The following PTPRM variants were observed in gnomAD, a reference collection of about 807,000 sequenced individuals.
PTPRM encodes the protein receptor-type tyrosine-protein phosphatase mu.
Under a neutral mutation model 186.7 loss-of-function variants are expected in PTPRM, and 47 were observed. That is an observed-to-expected ratio of 0.25 (90% CI 0.20 to 0.32). The LOEUF (loss-of-function observed/expected upper bound fraction) is 0.32. Among genes scored for constraint, PTPRM ranks in the 10% least tolerant of loss-of-function variants. The pLI, the probability that PTPRM is intolerant of heterozygous loss-of-function variation, is 1.00. For synonymous variants in PTPRM, 668 were observed against 674.9 expected (o/e 0.99, Z 0.16); for missense variants, 1,494 against 1,865.0 (o/e 0.80, Z 3.66).
rs149836038 is a variant in PTPRM at position 8,225,517 on chromosome 18, C to A, written c.2301-18541C>A. Among the ~76,000 whole-genome samples the A allele has an allele frequency of 1.9e-3, 283 of 152,234 alleles. 1 individual carries two copies. The highest frequency in any genetic ancestry group is 6.5e-3 in the African/African-American group (268 of 41,532). On this transcript the variant is annotated intron_variant, in intron 14 of 32. Coordinates refer to ENST00000580170, the MANE Select transcript of PTPRM (RefSeq NM_001105244.2). ...TCATTTCTCTAATAAACCCTGGTTT[C>A]TTTTACTGGAAAATGGCATTTAGAG...
chr18:7,838,043 T>A (rs1300278278), intron 2 of PTPRM, among the ~76,000 whole-genome samples: 1 of 152,104 alleles, frequency 6.6e-6, no homozygotes, highest in Non-Finnish European at 1.5e-5. Context: ...AGAAGACTCA[T>A]GGAGTGTATT....
chr18:8,300,932 C>A (rs2095150483), intron 20 of PTPRM, among the ~76,000 whole-genome samples: 1 of 152,128 alleles, frequency 6.6e-6, no homozygotes, highest in Non-Finnish European at 1.5e-5. Flanking sequence ...ACATAATGAC[C>A]CACGCATACA....
In PTPRM at chr18:7,915,133, CTTAT is replaced by C. The variant is rs531931364; in HGVS notation, c.547+8553_547+8556del. Among the ~76,000 whole-genome samples, 326 of 152,100 alleles carry C rather than the reference CTTAT, an allele frequency of 2.1e-3. 1 individual carries two copies. The highest frequency in any genetic ancestry group is 7.5e-3 in the African/African-American group (313 of 41,522). On this transcript the variant is annotated intron_variant, in intron 4 of 32. Transcript: ENST00000580170. ...TAATTCTTGGCTTTGGGATCAAAGGCTTATTTGAGATCAATTAATACACGAAAAC... is the reference window on the plus strand; with the variant it reads ...TAATTCTTGGCTTTGGGATCAAAGGCTTGAGATCAATTAATACACGAAAAC...
Position 8,333,177 on chromosome 18 carries a change from T to A in PTPRM, c.2957-10246T>A, listed in dbSNP as rs568968765. 2.6e-5 allele frequency among the ~76,000 whole-genome samples: 4 copies of A among 152,362 alleles called. No individual in the cohort carries two copies. In the East Asian group the frequency reaches 7.7e-4, roughly 29 times the overall value. The stretch of plus-strand genomic sequence containing the variant: ...GCAATTCGGGATAATGAGCAAATCA[T>A]GTCCCTTATACCCACCCATCTCAAC... On this transcript the variant is annotated intron_variant, in intron 22 of 32. Transcript: ENST00000580170.
At chr18:8,021,119 G>A (rs1171251975) in intron 7 of PTPRM, among the ~76,000 whole-genome samples, 2 of 152,108 alleles carry the variant, frequency 1.3e-5, no homozygotes. Context: ...AGTACCTGTT[G>A]ACTGACCTGC....
At chr18:8,352,941 A>G (rs1415207840) in intron 23 of PTPRM, among the ~76,000 whole-genome samples, 1 of 152,134 alleles carries the variant, frequency 6.6e-6, no homozygotes, top group African/African-American at 2.4e-5. Flanking sequence ...AAGTGCTGGG[A>G]TTACAGGTGT....
intron 7 of PTPRM, among the ~76,000 whole-genome samples, chr18:8,000,003 A>T (rs2083772044): frequency 6.6e-6 from 1 of 152,170 alleles, no homozygotes; most frequent in South Asian, 2.1e-4. Flanking sequence ...AACAAAAAGA[A>T]AAACAAAAAA....
At chr18:8,314,093 A>G (rs1233174140) in intron 20 of PTPRM, among the ~76,000 whole-genome samples, 5 of 152,220 alleles carry the variant, frequency 3.3e-5, no homozygotes, top group Admixed American at 3.3e-4. Context: ...AAATACTTAA[A>G]TATAACTAAT....
chr18:8,300,159 T>C (rs961420199), intron 20 of PTPRM, among the ~76,000 whole-genome samples: 1 of 151,968 alleles, frequency 6.6e-6, no homozygotes, highest in Non-Finnish European at 1.5e-5. Flanking sequence ...CATAAATAAA[T>C]GGAGAATGTG....
intron 17 of PTPRM, among the ~76,000 whole-genome samples, chr18:8,250,964 T>G (rs1057182868): frequency 1.3e-5 from 2 of 152,220 alleles, no homozygotes; most frequent in Non-Finnish European, 2.9e-5. Context: ...CCCAATTTCA[T>G]AGCAGCACAC....
chr18:7,595,489 T>C (rs1018099208), intron 1 of PTPRM, among the ~76,000 whole-genome samples: 2 of 152,172 alleles, frequency 1.3e-5, no homozygotes, highest in African/African-American at 4.8e-5. Flanking sequence ...ATAGTTAATG[T>C]TGAGCCTTTT....
chr18:8,299,873 C>G (rs1271699625), intron 20 of PTPRM, among the ~76,000 whole-genome samples: 2 of 152,190 alleles, frequency 1.3e-5, no homozygotes. Context: ...CAGTAGTTTT[C>G]TGACTCCTGG....
At chr18:7,676,195 CT>C (rs2039331720) in intron 1 of PTPRM, among the ~76,000 whole-genome samples, 1 of 152,086 alleles carries the variant, frequency 6.6e-6, no homozygotes, top group Non-Finnish European at 1.5e-5. Flanking sequence ...TTGGCTTACT[CT>C]TTTAAGTGTT....
intron 7 of PTPRM, among the ~76,000 whole-genome samples, chr18:8,029,317 T>C (rs1302319264): frequency 9.0e-5 from 9 of 99,702 alleles, no homozygotes; most frequent in African/African-American, 2.8e-4. Flanking sequence ...GTGCCCCTCC[T>C]CCACCTGTCC....
chr18:7,717,166 A>G (rs566042781), intron 1 of PTPRM, among the ~76,000 whole-genome samples: 17 of 152,268 alleles, frequency 1.1e-4, no homozygotes, highest in African/African-American at 3.8e-4. Context: ...TCTCAAGTTG[A>G]AAAACCTGAA....
chr18:8,043,219 A>T (rs1328099741), intron 7 of PTPRM, among the ~76,000 whole-genome samples: 1 of 152,188 alleles, frequency 6.6e-6, no homozygotes, highest in African/African-American at 2.4e-5. Flanking sequence ...CCTACCAAGC[A>T]ACAAGGTGCC....
intron 7 of PTPRM, among the ~76,000 whole-genome samples, chr18:7,962,152 C>T (rs1053594789): frequency 6.6e-6 from 1 of 152,094 alleles, no homozygotes; most frequent in Non-Finnish European, 1.5e-5. Context: ...TTTGTGATGA[C>T]AGTCGTACTG....
At chr18:8,029,481 C>A (rs1347526769) in intron 7 of PTPRM, among the ~76,000 whole-genome samples, 1 of 152,168 alleles carries the variant, frequency 6.6e-6, no homozygotes, top group Non-Finnish European at 1.5e-5. Flanking sequence ...GCTTGCTTGG[C>A]CACTTTCTGT....
chr18:8,005,416 A>C (rs991121151), intron 7 of PTPRM, among the ~76,000 whole-genome samples: 3 of 152,254 alleles, frequency 2.0e-5, no homozygotes, highest in African/African-American at 7.2e-5. Context: ...TTTCTAATGC[A>C]GAAATATTGC....
Sources: allele counts gnomAD v4.1 joint callset (sites outside exome capture counted in the v4.1 genomes callset), GRCh38; gene constraint gnomAD v4.1.1; transcripts MANE v1.5; gene names NCBI Gene and HGNC (gene_info 2026-07-23, HGNC 2026-07-21).